Variants in CELF2 observed in about 807,000 individuals in gnomAD.
The protein encoded by CELF2 is CUG triplet repeat RNA-binding protein 2.
In CELF2, 8 loss-of-function variants were observed where a neutral mutation model predicts 62.6. The observed-to-expected ratio is 0.13, with a 90% confidence interval of 0.07 to 0.23. The LOEUF is 0.23. Ranked by LOEUF, CELF2 falls within the 10% of genes least tolerant of loss-of-function variation. CELF2 has a pLI of 1.00. For missense variants in CELF2, 333 were observed against 671.0 expected (o/e 0.50, Z 5.56); for synonymous variants, 258 against 250.0 (o/e 1.03, Z -0.30).
At chr10:11,111,714 C>G (rs988492883) in intron 1 of CELF2, among the ~76,000 whole-genome samples, 2 of 152,224 alleles carry the variant, frequency 1.3e-5, no homozygotes, top group Admixed American at 1.3e-4. Context: ...GATGCATCTT[C>G]CTGTGCTATG....
chr10:10,605,466 A>G, the CELF2 span, among the ~76,000 whole-genome samples: 1 of 152,202 alleles, frequency 6.6e-6, no homozygotes, highest in Non-Finnish European at 1.5e-5. Context: ...CTACTATCCA[A>G]TAAGGCTGTA....
At chr10:11,103,399 A>T (rs36078361) in intron 1 of CELF2, among the ~76,000 whole-genome samples, 3 of 136,054 alleles carry the variant, frequency 2.2e-5, no homozygotes, top group Non-Finnish European at 3.2e-5. Flanking sequence ...TTACATTTTT[A>T]TTAACATTTT....
At chr10:10,772,756 C>T in the CELF2 span, among the ~76,000 whole-genome samples, 1 of 152,138 alleles carries the variant, frequency 6.6e-6, no homozygotes, top group Non-Finnish European at 1.5e-5. Flanking sequence ...AATACAAATC[C>T]TTTATTTCCT....
chr10:10,614,209 C>T, the CELF2 span, among the ~76,000 whole-genome samples: 2 of 151,932 alleles, frequency 1.3e-5, no homozygotes, highest in Admixed American at 1.3e-4. Context: ...CCAGATGTCT[C>T]CTTCCTCCCC....
intron 1 of CELF2, among the ~76,000 whole-genome samples, chr10:10,899,363 T>C (rs563739407): frequency 6.6e-6 from 1 of 152,166 alleles, no homozygotes; most frequent in African/African-American, 2.4e-5. Flanking sequence ...TTTATGAATA[T>C]AGAAAATGAA....
intron 1 of CELF2, among the ~76,000 whole-genome samples, chr10:10,851,347 C>T (rs2059371108): frequency 6.6e-6 from 1 of 152,142 alleles, no homozygotes; most frequent in African/African-American, 2.4e-5. Flanking sequence ...TAGACATGCC[C>T]TCCCACTATA....
At chr10:10,639,008 T>G in the CELF2 span, among the ~76,000 whole-genome samples, 3 of 152,226 alleles carry the variant, frequency 2.0e-5, no homozygotes, top group Non-Finnish European at 2.9e-5. Context: ...TCACATTTGT[T>G]TAATTAATAT....
chr10:10,687,034 A>G, the CELF2 span, among the ~76,000 whole-genome samples: 1 of 152,170 alleles, frequency 6.6e-6, no homozygotes, highest in African/African-American at 2.4e-5. Context: ...AACTGGCAGC[A>G]TATGCTCCTT....
chr10:10,627,833 G>A, the CELF2 span, among the ~76,000 whole-genome samples: 2 of 152,308 alleles, frequency 1.3e-5, no homozygotes, highest in East Asian at 3.9e-4. Flanking sequence ...CTCCATGGGA[G>A]GAGAAACATG....
chr10:10,679,326 C>G, the CELF2 span, among the ~76,000 whole-genome samples: 1 of 152,156 alleles, frequency 6.6e-6, no homozygotes, highest in Non-Finnish European at 1.5e-5. Context: ...GTCTCAATCT[C>G]TCTACCAGGC....
chr10:10,709,009 C>T, the CELF2 span, among the ~76,000 whole-genome samples: 1 of 152,128 alleles, frequency 6.6e-6, no homozygotes, highest in Non-Finnish European at 1.5e-5. Flanking sequence ...AGCTGCCTGC[C>T]CTTGCAAGGT....
At chr10:10,898,153 C>T (rs2062692972) in intron 1 of CELF2, among the ~76,000 whole-genome samples, 1 of 152,170 alleles carries the variant, frequency 6.6e-6, no homozygotes, top group African/African-American at 2.4e-5. Context: ...GTATGCCTGA[C>T]CCACCATTGT....
the CELF2 span, among the ~76,000 whole-genome samples, chr10:10,630,903 A>T: frequency 2.0e-5 from 3 of 152,206 alleles, no homozygotes; most frequent in Non-Finnish European, 4.4e-5. Flanking sequence ...TTCCCCATGC[A>T]CATTAAGGAG....
chr10:10,643,091 A>C, the CELF2 span, among the ~76,000 whole-genome samples: 1 of 152,190 alleles, frequency 6.6e-6, no homozygotes, highest in Admixed American at 6.5e-5. Context: ...ACATGGCTAC[A>C]CTCCCCATCA....
chr10:11,000,371 C>G (rs946160233), upstream of CELF2, among the ~76,000 whole-genome samples: 1 of 152,036 alleles, frequency 6.6e-6, no homozygotes, highest in Non-Finnish European at 1.5e-5. Flanking sequence ...TATCTAGTAC[C>G]TATTTTCAAG....
At chr10:10,696,812 A>C in the CELF2 span, among the ~76,000 whole-genome samples, 2 of 152,146 alleles carry the variant, frequency 1.3e-5, no homozygotes, top group East Asian at 1.9e-4. Flanking sequence ...GCGCTTCCCA[A>C]GTGAGGCAAT....
the CELF2 span, among the ~76,000 whole-genome samples, chr10:10,583,472 CT>C: frequency 6.6e-6 from 1 of 152,104 alleles, no homozygotes; most frequent in East Asian, 1.9e-4. Context: ...TGCCCCAAAG[CT>C]TCAAAACCAT....
chr10:10,476,101 A>C, the CELF2 span, among the ~76,000 whole-genome samples: 1 of 152,140 alleles, frequency 6.6e-6, no homozygotes, highest in African/African-American at 2.4e-5. Flanking sequence ...AGTAATTGAC[A>C]GATATTCTGG....
At chr10:11,162,809 G>A (rs773303838) in intron 1 of CELF2, among the ~76,000 whole-genome samples, 7 of 152,142 alleles carry the variant, frequency 4.6e-5, no homozygotes, top group South Asian at 4.1e-4. Flanking sequence ...AGGAATAGCC[G>A]ACACTGAGAG....
Sources: allele counts gnomAD v4.1 joint callset (sites outside exome capture counted in the v4.1 genomes callset), GRCh38; gene constraint gnomAD v4.1.1; transcripts MANE v1.5; gene names NCBI Gene and HGNC (gene_info 2026-07-23, HGNC 2026-07-21).